The following DSCAM variants were observed in gnomAD, a reference collection of about 807,000 sequenced individuals.
DSCAM encodes the protein DS cell adhesion molecule.
A neutral mutation model predicts 217.7 loss-of-function variants in DSCAM; 47 were observed. The ratio of observed to expected loss-of-function variants is 0.22; its 90% confidence interval spans 0.17 to 0.28. The LOEUF (loss-of-function observed/expected upper bound fraction) is 0.28, where lower values mean the gene tolerates loss of function less well. DSCAM is among the 10% of genes least tolerant of loss of function. The pLI is 1.00. For missense variants in DSCAM, 2,080 were observed against 2,618.3 expected, an observed-to-expected ratio of 0.79 and a Z score of 4.49; for synonymous variants, 1,056 against 1,015.3, an observed-to-expected ratio of 1.04 and a Z score of -0.76.
At chr21:40,774,188 T>C (rs1022822186) in intron 1 of DSCAM, among the ~76,000 whole-genome samples, 2 of 152,098 alleles carry the variant, frequency 1.3e-5, no homozygotes, top group Non-Finnish European at 2.9e-5. Context: ...AGACCAATCT[T>C]TTTTCTCTCT....
chr21:40,117,301 G>T (rs1431684657), intron 20 of DSCAM, among the ~76,000 whole-genome samples: 2 of 152,154 alleles, frequency 1.3e-5, no homozygotes, highest in Admixed American at 6.5e-5. Context: ...CTATGCCCAT[G>T]TCTAACAATA....
At chr21:40,487,263 C>G (rs150042661) in intron 3 of DSCAM, among the ~76,000 whole-genome samples, 1,633 of 151,672 alleles carry the variant, frequency 0.011, 34 homozygotes, top group African/African-American at 0.037. Flanking sequence ...CTCCCTCTCT[C>G]TCTCTCTCTC....
chr21:40,781,200 A>T (rs1047562257), intron 1 of DSCAM, among the ~76,000 whole-genome samples: 1 of 152,030 alleles, frequency 6.6e-6, no homozygotes, highest in African/African-American at 2.4e-5. Flanking sequence ...TACTAAAAAT[A>T]GTAGAGATGG....
intron 1 of DSCAM, among the ~76,000 whole-genome samples, chr21:40,814,857 T>C (rs1198558705): frequency 2.6e-5 from 4 of 152,142 alleles, no homozygotes. Context: ...TACCTCACGG[T>C]AAAGGAAAAT....
chr21:40,759,089 G>T (rs1350972881), intron 1 of DSCAM, among the ~76,000 whole-genome samples: 1 of 152,084 alleles, frequency 6.6e-6, no homozygotes, highest in Non-Finnish European at 1.5e-5. Flanking sequence ...AAAAGGAGAG[G>T]GAGAGAAGGG....
intron 1 of DSCAM, among the ~76,000 whole-genome samples, chr21:40,837,147 G>A (rs2092063707): frequency 6.6e-6 from 1 of 152,190 alleles, no homozygotes; most frequent in African/African-American, 2.4e-5. Flanking sequence ...GGGTGGAGGG[G>A]ATGTGTGGCT....
chr21:40,161,973 T>C (rs1362710966), intron 16 of DSCAM, among the ~76,000 whole-genome samples: 1 of 152,236 alleles, frequency 6.6e-6, no homozygotes, highest in African/African-American at 2.4e-5. Flanking sequence ...AAGAAAAGGA[T>C]ACTACGTAAG....
intron 2 of DSCAM, among the ~76,000 whole-genome samples, chr21:40,705,919 G>A (rs1004791917): frequency 6.6e-5 from 10 of 152,262 alleles, no homozygotes; most frequent in Middle Eastern, 3.4e-3. Flanking sequence ...GGTCGCTCAT[G>A]CCTGTAATCC....
chr21:40,474,045 C>G, intron 3 of DSCAM, among the ~76,000 whole-genome samples: 1 of 152,290 alleles, frequency 6.6e-6, no homozygotes, highest in Middle Eastern at 3.4e-3. Context: ...GTATTCCTAG[C>G]ACTTTGGGAG....
In DSCAM at chr21:40,505,448, GA is replaced by G. The variant is rs554672244; in HGVS notation, c.509-136204del. On this transcript the variant is annotated intron_variant, in intron 3 of 32. Transcript: ENST00000400454. ...AGTCTTATGATTCACAGCATTCTGA[GA>G]AAAAAAAAAAGTCTGGTAAATTCTA... Among the ~76,000 whole-genome samples, 756 of 145,808 alleles carry G rather than the reference GA, an allele frequency of 5.2e-3. 9 individuals carry two copies. Among genetic ancestry groups the G allele is most frequent in the Middle Eastern group, 0.011 (3 of 284 alleles).
chr21:40,153,519 T>G (rs1229562399), intron 16 of DSCAM, among the ~76,000 whole-genome samples: 1 of 151,970 alleles, frequency 6.6e-6, no homozygotes, highest in Admixed American at 6.5e-5. Flanking sequence ...GACTCTGGGG[T>G]GAGGTATCCA....
intron 3 of DSCAM, among the ~76,000 whole-genome samples, chr21:40,423,375 T>C (rs978539110): frequency 5.9e-5 from 9 of 152,206 alleles, no homozygotes; most frequent in African/African-American, 2.2e-4. Flanking sequence ...TGAGAACATG[T>C]ATGTAAACGG....
intron 3 of DSCAM, among the ~76,000 whole-genome samples, chr21:40,598,249 A>G (rs768157770): frequency 6.6e-6 from 1 of 152,154 alleles, no homozygotes; most frequent in Non-Finnish European, 1.5e-5. Context: ...GTATGCATTT[A>G]AGGTGCTTCC....
chr21:40,314,186 C>T (rs2074171281), intron 8 of DSCAM, among the ~76,000 whole-genome samples: 1 of 152,200 alleles, frequency 6.6e-6, no homozygotes, highest in South Asian at 2.1e-4. Flanking sequence ...CATGGCGCTT[C>T]TCTTATTTCG....
intron 3 of DSCAM, among the ~76,000 whole-genome samples, chr21:40,430,355 G>A (rs149823380): frequency 3.3e-4 from 50 of 152,310 alleles, no homozygotes; most frequent in Middle Eastern, 3.4e-3. Context: ...AGTGGGCTGC[G>A]GAAGGCAGAC....
chr21:40,805,859 C>T (rs954200823), intron 1 of DSCAM, among the ~76,000 whole-genome samples: 13 of 152,084 alleles, frequency 8.5e-5, no homozygotes, highest in South Asian at 2.1e-4. Context: ...GAGGCACCTG[C>T]CACCACGCCT....
At position 40,353,588 on chromosome 21, in the gene DSCAM, A is replaced by T; in HGVS notation, c.811T>A (p.Phe271Ile). 1 of 1,609,962 alleles carries T rather than the reference A, an allele frequency of 6.2e-7. No individual in the cohort carries two copies. Among genetic ancestry groups the T allele is most frequent in the Non-Finnish European group, 8.5e-7 (1 of 1,179,084 alleles). Residue 271 changes from phenylalanine (F) to isoleucine (I), a missense_variant, in exon 5 of 33, where the codon TTC becomes ATC. This residue lies in a region of DSCAM where 568 missense variants were observed against 678.1 expected (regional missense o/e 0.84). Coordinates refer to ENST00000400454, the MANE Select transcript of DSCAM (RefSeq NM_001389.5). ...DNMPLELSGR[F>I]QKTVTGLLIE... is the part of the protein sequence containing the mutation. Reference sequence around the variant, plus strand: ...AGCAGCCCCGTCACGGTCTTCTGGAACCTCCCTGAAAGTTCCAGGGGCATG... The same window carrying T: ...AGCAGCCCCGTCACGGTCTTCTGGATCCTCCCTGAAAGTTCCAGGGGCATG...
intron 3 of DSCAM, among the ~76,000 whole-genome samples, chr21:40,457,537 C>CAAAA (rs925563887): frequency 2.0e-5 from 3 of 151,502 alleles, no homozygotes; most frequent in African/African-American, 7.3e-5. Flanking sequence ...ATAAAACAAA[C>CAAAA]AAACAAACAA....
intron 3 of DSCAM, among the ~76,000 whole-genome samples, chr21:40,627,904 T>G (rs1256670994): frequency 6.6e-6 from 1 of 152,208 alleles, no homozygotes; most frequent in Non-Finnish European, 1.5e-5. Context: ...AGAGTTTTTC[T>G]GCTGTGTTTT....
Sources: allele counts gnomAD v4.1 joint callset (sites outside exome capture counted in the v4.1 genomes callset), GRCh38; gene constraint gnomAD v4.1.1; regional missense constraint gnomAD v4.1.1; transcripts MANE v1.5; gene names NCBI Gene and HGNC (gene_info 2026-07-23, HGNC 2026-07-21).